The following TMEM207 variants were observed in gnomAD, a reference collection of about 807,000 sequenced individuals.
TMEM207 encodes transmembrane protein 207.
TMEM207 carries 15 observed loss-of-function variants against 17.4 expected under a neutral mutation model. The observed-to-expected ratio is 0.86, with a 90% CI of 0.58 to 1.33. TMEM207 has a LOEUF of 1.33. Ranked by LOEUF, TMEM207 falls within the 40% of genes most tolerant of loss-of-function variation. The probability of loss-of-function intolerance (pLI) is 0.00; values close to 1 mark genes in which losing one functional copy is unlikely to be tolerated. For synonymous variants in TMEM207, 70 were observed against 65.6 expected (o/e 1.07, Z -0.33); for missense variants, 205 against 173.8 (o/e 1.18, Z -1.01).
At chr3:190,441,029 A>G (rs1006532552) in intron 3 of TMEM207, among the ~76,000 whole-genome samples, 4 of 152,232 alleles carry the variant, frequency 2.6e-5, no homozygotes, top group African/African-American at 4.8e-5. Context: ...AGATGGCGCC[A>G]CTGCACTGCA....
chr3:190,448,003 T>C (rs181752200), intron 1 of TMEM207, among the ~76,000 whole-genome samples, 176 bp from the exon 2 acceptor site: 89 of 152,268 alleles, frequency 5.8e-4, no homozygotes, highest in Non-Finnish European at 9.6e-4. Flanking sequence ...AATCTCTGGG[T>C]GGATTCTTAA....
intron 2 of TMEM207, 43 bp downstream of exon 2, chr3:190,447,747 T>A (rs1560109690): frequency 5.0e-6 from 8 of 1,602,862 alleles, no homozygotes; most frequent in Non-Finnish European, 5.1e-6. Context: ...TTGAATTTTT[T>A]AAATGCGAAA....
At chr3:190,439,154 G>C (rs1389693927) in intron 4 of TMEM207, among the ~76,000 whole-genome samples, 2 of 141,128 alleles carry the variant, frequency 1.4e-5, no homozygotes, top group African/African-American at 2.7e-5. Context: ...TCCCGCCTGG[G>C]CGACAGAGCG....
Position 190,429,615 on chromosome 3 carries a change from C to G in TMEM207, c.421G>C (p.Glu141Gln). 1.2e-6 allele frequency: 2 copies of G among 1,613,268 alleles called. No homozygotes were observed. Among genetic ancestry groups the G allele is most frequent in the Non-Finnish European group, 1.7e-6 (2 of 1,179,510 alleles). Reference sequence around the variant, plus strand: ...TAAAATCAGGTTGTTTTTACAATTTCTTCATATGGAGGTGGGGAGCCTAAA... The same window carrying G: ...TAAAATCAGGTTGTTTTTACAATTTGTTCATATGGAGGTGGGGAGCCTAAA... ...GPLGSPPPYE[E>Q]IVKTT The change falls in exon 5 of 5, where the codon GAA becomes CAA. Residue 141 changes from glutamate to glutamine, a missense_variant. Physicochemically the swap from Glu to Gln is conservative, Grantham distance 29 (BLOSUM62 2). Coordinates refer to ENST00000354905, the MANE Select transcript of TMEM207 (RefSeq NM_207316.3).
chr3:190,447,888 A>T, intron 1 of TMEM207, 61 bp from the exon 2 acceptor site: 1 of 1,494,314 alleles, frequency 6.7e-7, no homozygotes, highest in Non-Finnish European at 9.1e-7. Context: ...CCTTTAATAC[A>T]AGCAGCGCCT....
At chr3:190,441,355 T>C (rs1719932875) in intron 3 of TMEM207, 83 bp downstream of exon 3, 1 of 1,119,296 alleles carries the variant, frequency 8.9e-7, no homozygotes, top group East Asian at 2.4e-5. Context: ...GCTGTATGAT[T>C]TCATGTACCA....
Position 190,440,239 on chromosome 3 carries a change from C to T in TMEM207, c.304+5G>A, listed in dbSNP as rs1719899719. 5.0e-6 allele frequency: 8 copies of T among 1,611,010 alleles called. No individual in the cohort carries two copies. Among genetic ancestry groups the T allele is most frequent in the Non-Finnish European group, 5.9e-6 (7 of 1,179,148 alleles). ...AAAGAGTCCAGAAGCGTGCAGACAA[C>T]TCACCATAAATAGAGTCCAAGTCTC... On this transcript the variant is annotated splice_donor_5th_base_variant and intron_variant, in intron 4 of 4. Coordinates refer to ENST00000354905, the MANE Select transcript of TMEM207 (RefSeq NM_207316.3).
intron 2 of TMEM207, among the ~76,000 whole-genome samples, chr3:190,441,970 A>G (rs1041817594): frequency 1.3e-5 from 2 of 152,240 alleles, no homozygotes; most frequent in Non-Finnish European, 2.9e-5. Context: ...TGGTGAGGAA[A>G]GAAATTAGGC....
At chr3:190,429,796 G>T (rs1719651063) in intron 4 of TMEM207, 65 bp from the exon 5 acceptor site, 1 of 1,453,540 alleles carries the variant, frequency 6.9e-7, no homozygotes, top group African/African-American at 1.4e-5. Context: ...TACATGAACT[G>T]CCCGATAAAA....
At chr3:190,437,896 C>A (rs1315561912) in intron 4 of TMEM207, among the ~76,000 whole-genome samples, 1 of 151,414 alleles carries the variant, frequency 6.6e-6, no homozygotes, top group African/African-American at 2.4e-5. Flanking sequence ...GGCACATATA[C>A]ACCATGGAAT....
Position 190,429,600 on chromosome 3 carries a change from T to C in TMEM207, c.436A>G (p.Thr146Ala). 1 of 1,613,390 alleles carries C rather than the reference T, an allele frequency of 6.2e-7. No homozygotes were observed. Among genetic ancestry groups the C allele is most frequent in the South Asian group, 1.1e-5 (1 of 91,046 alleles). Reference sequence around the variant, plus strand: ...TTGATAATCCACACCTAAAATCAGGTTGTTTTTACAATTTCTTCATATGGA... The same window carrying C: ...TTGATAATCCACACCTAAAATCAGGCTGTTTTTACAATTTCTTCATATGGA... Reference protein sequence around the residue: ...PPPYEEIVKTT With the variant: ...PPPYEEIVKTA Residue 146 changes from threonine to alanine, a missense_variant, in exon 5 of 5, where the codon ACC (threonine) becomes GCC (alanine). Coordinates refer to ENST00000354905, the MANE Select transcript of TMEM207 (RefSeq NM_207316.3).
rs144626720 is a variant in TMEM207, at chr3:190,448,044, A to G, written c.76-217T>C. The stretch of plus-strand genomic sequence containing the variant: ...GCAGTGGCAGAAGATATATATTGTG[A>G]ACCAGATTCCATTTCTACATACCAA... On this transcript the variant is annotated intron_variant, in intron 1 of 4. Coordinates refer to ENST00000354905, the MANE Select transcript of TMEM207 (RefSeq NM_207316.3). Among the ~76,000 whole-genome samples the G allele has an allele frequency of 3.3e-5, 5 of 152,316 alleles. No individual in the cohort carries two copies. In the East Asian group the frequency reaches 9.6e-4, roughly 29 times the overall value.
At chr3:190,446,724 ACCG>A (rs1720058787) in intron 2 of TMEM207, among the ~76,000 whole-genome samples, 1 of 152,144 alleles carries the variant, frequency 6.6e-6, no homozygotes, top group African/African-American at 2.4e-5. Flanking sequence ...CTTTCTTAAT[ACCG>A]TATGTTTCTG....
In TMEM207 at chr3:190,448,845, G is replaced by T. The variant is rs1486571012; in HGVS notation, c.75+890C>A. The stretch of plus-strand genomic sequence containing the variant: ...TCTGGGCAAAGAGATTTGTGGAGTT[G>T]CAGATGGAGCCATGAATTGGCCATC... On this transcript the variant is annotated intron_variant, in intron 1 of 4. Transcript: ENST00000354905. 2.0e-5 allele frequency among the ~76,000 whole-genome samples: 3 copies of T among 152,130 alleles called. No homozygotes were observed. The East Asian group carries it at 5.8e-4, about 29-fold the overall frequency.
chr3:190,442,465 A>C (rs1719955566), intron 2 of TMEM207, among the ~76,000 whole-genome samples: 1 of 152,220 alleles, frequency 6.6e-6, no homozygotes, highest in Admixed American at 6.5e-5. Flanking sequence ...TCATCATACC[A>C]GTCAGAAATG....
rs1033856862 is a variant in TMEM207, at chr3:190,444,325, G to A, written c.114-2843C>T. ...CTTGCGCAAGTTAGCATAGCTGGAAGTGGTAGAAGTAGGTTTTCAACCCAA... is the reference window on the plus strand; with the variant it reads ...CTTGCGCAAGTTAGCATAGCTGGAAATGGTAGAAGTAGGTTTTCAACCCAA... On this transcript the variant is annotated intron_variant, in intron 2 of 4. Transcript: ENST00000354905. The A allele has an allele frequency of 6.2e-6, 4 of 645,242 alleles. No homozygotes were observed. The African/African-American group carries it at 7.9e-5, about 13-fold the overall frequency. The allele number at this position is 645,242 out of a possible 1,614,324, so 40.0% of individuals were successfully genotyped here.
At position 190,445,878 on chromosome 3, in the gene TMEM207, G is replaced by A. The variant is rs6788216; in HGVS notation, c.113+1912C>T. On this transcript the variant is annotated intron_variant, in intron 2 of 4. Transcript: ENST00000354905. Reference sequence around the variant, plus strand: ...ATGGAAAATATATGCAAATTGTTTCGCACAATTCTTGGAACATAGAAGTTG... The same window carrying A: ...ATGGAAAATATATGCAAATTGTTTCACACAATTCTTGGAACATAGAAGTTG... Among the ~76,000 whole-genome samples the A allele has an allele frequency of 2.2e-3, 329 of 152,164 alleles. 2 individuals carry two copies. Among genetic ancestry groups the A allele is most frequent in the African/African-American group, 7.2e-3 (300 of 41,512 alleles).
intron 2 of TMEM207, among the ~76,000 whole-genome samples, chr3:190,443,145 CTTTTT>C (rs201791052): frequency 1.4e-5 from 2 of 140,396 alleles, no homozygotes; most frequent in African/African-American, 2.6e-5. Flanking sequence ...ATTAAAAAAG[CTTTTT>C]TTTTTTTTTG....
chr3:190,430,613 C>G (rs1719671853), intron 4 of TMEM207, among the ~76,000 whole-genome samples: 1 of 151,570 alleles, frequency 6.6e-6, no homozygotes, highest in Admixed American at 6.6e-5. Context: ...TGCTTTCTGC[C>G]AAAACAATAG....
Sources: gnomAD v4.1 joint callset for allele counts (sites outside exome capture counted in the v4.1 genomes callset) on GRCh38, gnomAD v4.1.1 for gene constraint, MANE v1.5 for transcripts, NCBI Gene and HGNC (gene_info 2026-07-23, HGNC 2026-07-21) for gene names.